The following CSPP1 variants were observed in gnomAD, a reference collection of about 807,000 sequenced individuals.
CSPP1 encodes centrosome and spindle pole-associated protein 1.
A neutral mutation model predicts 164.4 loss-of-function variants in CSPP1; 126 were observed. The ratio of observed to expected loss-of-function variants is 0.77; its 90% confidence interval spans 0.66 to 0.89. The LOEUF is 0.89. Ranked by LOEUF, CSPP1 falls within the 40% of genes least tolerant of loss-of-function variation. The pLI, the probability that CSPP1 is intolerant of heterozygous loss-of-function variation, is 0.00. For synonymous variants in CSPP1, 472 were observed against 476.7 expected (o/e 0.99, Z 0.13); for missense variants, 1,395 against 1,449.8 (o/e 0.96, Z 0.61).
At chr8:67,143,064 T>G (rs1000586556) in intron 17 of CSPP1, among the ~76,000 whole-genome samples, 2 of 152,098 alleles carry the variant, frequency 1.3e-5, no homozygotes, top group African/African-American at 4.8e-5. Context: ...TGTTCGAATT[T>G]TACCAGTTTT....
intron 8 of CSPP1, among the ~76,000 whole-genome samples, chr8:67,104,384 C>G (rs1430346062): frequency 6.6e-6 from 1 of 151,880 alleles, no homozygotes; most frequent in Non-Finnish European, 1.5e-5. Context: ...CCACCACAGC[C>G]TCTGGAGTAG....
intron 15 of CSPP1, among the ~76,000 whole-genome samples, chr8:67,123,527 T>C (rs1341237834): frequency 6.6e-6 from 1 of 152,154 alleles, no homozygotes; most frequent in African/African-American, 2.4e-5. Flanking sequence ...GGTTTTTATG[T>C]TTGCCATTTT....
chr8:67,190,300 T>C (rs1307512270), intron 28 of CSPP1, among the ~76,000 whole-genome samples: 1 of 152,210 alleles, frequency 6.6e-6, no homozygotes, highest in African/African-American at 2.4e-5. Context: ...AACACCTTAT[T>C]GCTAAGTGAA....
At chr8:67,178,854 A>C (rs1433399206) in intron 27 of CSPP1, among the ~76,000 whole-genome samples, 1 of 152,106 alleles carries the variant, frequency 6.6e-6, no homozygotes, top group African/African-American at 2.4e-5. Context: ...TGCCTTTGAC[A>C]CTTGTGCATG....
At position 67,094,271 on chromosome 8, in the gene CSPP1, C is replaced by CTTT. The variant is rs762941914; in HGVS notation, c.483+648_483+650dup. On this transcript the variant is annotated intron_variant, in intron 6 of 30. Coordinates refer to ENST00000678616, the MANE Select transcript of CSPP1 (RefSeq NM_001382391.1). ...GGAATTTGCATTTAGTTTATCCTCTCTTTTTTTTTTTTTTTTTTTTGAGAC... is the reference window on the plus strand; with the variant it reads ...GGAATTTGCATTTAGTTTATCCTCTCTTTTTTTTTTTTTTTTTTTTTTTGAGAC... Among the ~76,000 whole-genome samples the CTTT allele has an allele frequency of 8.6e-4, 105 of 121,478 alleles. 2 individuals are homozygous for CTTT. The highest frequency in any genetic ancestry group is 1.2e-3 in the Non-Finnish European group (69 of 58,114). The allele number at this position is 121,478 out of a possible 152,430, so 79.7% of individuals were successfully genotyped here. A position where few individuals can be genotyped will look rare whatever the true frequency, so the allele number is the denominator to read the frequency against.
At chr8:67,132,429 G>A (rs1209189016) in intron 16 of CSPP1, among the ~76,000 whole-genome samples, 1 of 152,174 alleles carries the variant, frequency 6.6e-6, no homozygotes, top group African/African-American at 2.4e-5. Context: ...GCTAATAAGG[G>A]GTTTTCAGTT....
intron 1 of CSPP1, among the ~76,000 whole-genome samples, chr8:67,071,742 G>A (rs892501247): frequency 6.6e-6 from 1 of 151,980 alleles, no homozygotes; most frequent in African/African-American, 2.4e-5. Context: ...TACCCAATTA[G>A]ATGCTAACTT....
chr8:67,079,277 TGTATG>T (rs1808635211), intron 3 of CSPP1, among the ~76,000 whole-genome samples: 1 of 152,196 alleles, frequency 6.6e-6, no homozygotes, highest in African/African-American at 2.4e-5. Flanking sequence ...CATCTGTACT[TGTATG>T]GTCATGTATG....
At chr8:67,184,858 G>A (rs903260602) in intron 28 of CSPP1, among the ~76,000 whole-genome samples, 10 of 149,658 alleles carry the variant, frequency 6.7e-5, no homozygotes, top group African/African-American at 2.4e-4. Flanking sequence ...CCAGCACTTT[G>A]GGAGGCCGAG....
At chr8:67,068,721 G>A (rs1806090908) in intron 1 of CSPP1, among the ~76,000 whole-genome samples, 1 of 152,142 alleles carries the variant, frequency 6.6e-6, no homozygotes, top group Admixed American at 6.5e-5. Context: ...AAACTAGCCT[G>A]GCATTCACAG....
chr8:67,121,015 G>A (rs1221560504), intron 15 of CSPP1, among the ~76,000 whole-genome samples: 3 of 151,782 alleles, frequency 2.0e-5, no homozygotes, highest in East Asian at 1.9e-4. Context: ...CACTATGCCC[G>A]GCTAAGTTTT....
chr8:67,077,170 G>C (rs948386984), intron 3 of CSPP1, among the ~76,000 whole-genome samples: 2 of 148,934 alleles, frequency 1.3e-5, no homozygotes, highest in African/African-American at 2.5e-5. Flanking sequence ...TAAAGACAGG[G>C]TCTCTCTCTC....
chr8:67,183,946 G>T (rs995333298), intron 28 of CSPP1, among the ~76,000 whole-genome samples: 15 of 147,740 alleles, frequency 1.0e-4, no homozygotes, highest in Admixed American at 9.7e-4. Context: ...TCCGCCTCCC[G>T]GGTTCAAGCG....
Position 67,158,529 on chromosome 8 carries a change from A to G in CSPP1, c.2324A>G (p.Glu775Gly). The G allele has an allele frequency of 1.2e-6, 2 of 1,612,960 alleles. No individual in the cohort carries two copies. The highest frequency in any genetic ancestry group is 1.7e-6 in the Non-Finnish European group (2 of 1,179,262). Reference protein sequence around the residue: ...AEEKEERRLAEQRARIQQEYE... With the variant: ...AEEKEERRLAGQRARIQQEYE... The stretch of plus-strand genomic sequence containing the variant: ...GAAAAAGAAGAAAGACGGCTTGCAG[A>G]ACAGAGGGCACGAATTCAGCAGGAG... Residue 775 changes from glutamate (E) to glycine (G), a missense_variant, in exon 20 of 31, where the codon GAA becomes GGA. Transcript: ENST00000678616.
chr8:67,168,044 C>T (rs904786506), intron 24 of CSPP1, among the ~76,000 whole-genome samples: 15 of 152,212 alleles, frequency 9.9e-5, no homozygotes, highest in African/African-American at 2.7e-4. Flanking sequence ...TCTGCAATCC[C>T]GGCACCTCGG....
intron 24 of CSPP1, among the ~76,000 whole-genome samples, chr8:67,170,025 AGC>A (rs1190096621): frequency 1.3e-5 from 2 of 151,918 alleles, no homozygotes; most frequent in Non-Finnish European, 1.5e-5. Context: ...TATAGGCGTG[AGC>A]CACAGGGCCC....
At chr8:67,102,649 A>T (rs902010200) in intron 7 of CSPP1, among the ~76,000 whole-genome samples, 8 of 152,216 alleles carry the variant, frequency 5.3e-5, no homozygotes, top group African/African-American at 1.9e-4. Context: ...ATTTTGATTT[A>T]AAAAATGTTC....
chr8:67,068,771 G>C (rs1400280463), intron 1 of CSPP1, among the ~76,000 whole-genome samples: 1 of 152,206 alleles, frequency 6.6e-6, no homozygotes, highest in Non-Finnish European at 1.5e-5. Context: ...CTATTGTACA[G>C]AATGTCAACA....
intron 22 of CSPP1, 124 bp downstream of exon 22, chr8:67,162,039 A>G (rs1828464774): frequency 1.5e-6 from 1 of 647,076 alleles, no homozygotes; most frequent in Non-Finnish European, 2.7e-6. Flanking sequence ...AATATAGGTG[A>G]TATCTACAGT....
Sources: gnomAD v4.1 joint callset for allele counts (sites outside exome capture counted in the v4.1 genomes callset) on GRCh38, gnomAD v4.1.1 for gene constraint, MANE v1.5 for transcripts, NCBI Gene and HGNC (gene_info 2026-07-23, HGNC 2026-07-21) for gene names.